Variants in PRKCB observed in about 807,000 individuals in gnomAD.
PRKCB encodes protein kinase C beta.
Under a neutral mutation model 81.5 loss-of-function variants are expected in PRKCB, and 13 were observed. That is an observed-to-expected ratio of 0.16 (90% confidence interval 0.10 to 0.25). PRKCB has a LOEUF of 0.25. Ranked by LOEUF, PRKCB falls within the 10% of genes least tolerant of loss-of-function variation. The pLI is 1.00. For missense variants in PRKCB, 509 were observed against 875.7 expected, an observed-to-expected ratio of 0.58 and a Z score of 5.29; for synonymous variants, 335 against 321.4, an observed-to-expected ratio of 1.04 and a Z score of -0.45.
In PRKCB at chr16:24,218,099, G is replaced by C; in HGVS notation, c.*3283G>C. ...TTAGCACTGGAAATACACTAGTGAA[G>C]AAGCAGATGAGGACCCTGTTTATTG... On this transcript the variant is annotated 3_prime_UTR_variant, in exon 17 of 17. Coordinates refer to ENST00000643927, the MANE Select transcript of PRKCB (RefSeq NM_002738.7). 2 of 985,358 alleles carry C rather than the reference G, an allele frequency of 2.0e-6. No homozygotes were observed. Among genetic ancestry groups the C allele is most frequent in the Non-Finnish European group, 2.4e-6 (2 of 829,908 alleles). 61.0% of individuals were successfully genotyped at this position (985,358 alleles called of 1,614,324 possible).
intron 2 of PRKCB, among the ~76,000 whole-genome samples, chr16:23,936,475 C>A (rs950173035): frequency 6.6e-6 from 1 of 151,866 alleles, no homozygotes; most frequent in Non-Finnish European, 1.5e-5. Context: ...TACATTGGTG[C>A]GATCTTGGCT....
At chr16:24,028,293 C>T (rs184468678) in intron 3 of PRKCB, among the ~76,000 whole-genome samples, 149 of 152,232 alleles carry the variant, frequency 9.8e-4, no homozygotes, top group East Asian at 7.7e-4. Flanking sequence ...TTCACCATAT[C>T]GGTCAGGCTG....
chr16:23,928,978 A>G (rs1963935109), intron 2 of PRKCB, among the ~76,000 whole-genome samples: 1 of 152,126 alleles, frequency 6.6e-6, no homozygotes, highest in Non-Finnish European at 1.5e-5. Context: ...CGGCATCCCA[A>G]AGTGTTGGGA....
chr16:24,049,561 C>T (rs1180767208), intron 5 of PRKCB, among the ~76,000 whole-genome samples: 1 of 151,556 alleles, frequency 6.6e-6, no homozygotes, highest in Non-Finnish European at 1.5e-5. Flanking sequence ...ACATCTGGGA[C>T]ATGCACGCTT....
chr16:23,901,121 A>G (rs8047428), intron 2 of PRKCB, among the ~76,000 whole-genome samples: 87,753 of 151,926 alleles, frequency 0.58, 25,699 homozygotes, highest in Admixed American at 0.64. Context: ...TAATCAAAAC[A>G]CAATTGCCAA....
chr16:24,152,159 G>C (rs947101142), intron 9 of PRKCB, among the ~76,000 whole-genome samples: 5 of 152,114 alleles, frequency 3.3e-5, no homozygotes, highest in African/African-American at 1.2e-4. Context: ...TGAAAAAGAG[G>C]TTTAATGGAC....
At chr16:24,207,296 T>C (rs949483184) in intron 16 of PRKCB, among the ~76,000 whole-genome samples, 1 of 152,256 alleles carries the variant, frequency 6.6e-6, no homozygotes, top group Non-Finnish European at 1.5e-5. Context: ...TCCATGATAA[T>C]TGCTGTCTCA....
At chr16:24,027,920 C>T (rs1228182840) in intron 3 of PRKCB, among the ~76,000 whole-genome samples, 2 of 151,934 alleles carry the variant, frequency 1.3e-5, no homozygotes, top group East Asian at 3.9e-4. Flanking sequence ...CAGGCATGCA[C>T]CACTATGTCT....
chr16:24,027,195 C>G (rs534500878), intron 3 of PRKCB, among the ~76,000 whole-genome samples: 1 of 152,012 alleles, frequency 6.6e-6, no homozygotes, highest in Non-Finnish European at 1.5e-5. Context: ...CTCCCTGTGT[C>G]GATGTGTTCT....
chr16:24,015,785 A>G (rs1965270043), intron 3 of PRKCB, among the ~76,000 whole-genome samples: 1 of 152,200 alleles, frequency 6.6e-6, no homozygotes, highest in Non-Finnish European at 1.5e-5. Flanking sequence ...CTAGACTGAC[A>G]TAGGGAAGGT....
intron 7 of PRKCB, among the ~76,000 whole-genome samples, chr16:24,096,665 AAATATATATAT>A (rs1338139069): frequency 0.016 from 637 of 39,296 alleles, 13 homozygotes; most frequent in Non-Finnish European, 0.023. Context: ...AAAAAAAAAA[AAATATATATAT>A]ATATATATAT....
intron 10 of PRKCB, 179 bp from the exon 11 acceptor site, chr16:24,172,091 C>T (rs1052939132): frequency 1.7e-6 from 1 of 598,194 alleles, no homozygotes; most frequent in Non-Finnish European, 3.0e-6. Flanking sequence ...CACCTATGCT[C>T]ACTTGCGTAG....
intron 3 of PRKCB, among the ~76,000 whole-genome samples, chr16:24,028,806 T>TG (rs201888024): frequency 2.1e-4 from 32 of 151,366 alleles, no homozygotes; most frequent in Admixed American, 1.8e-3. Context: ...TGGTTGTTGT[T>TG]TTTTTTTTTT....
chr16:24,061,095 C>G (rs142063003), intron 5 of PRKCB, among the ~76,000 whole-genome samples: 1 of 151,576 alleles, frequency 6.6e-6, no homozygotes, highest in Non-Finnish European at 1.5e-5. Context: ...GGGTCTTGCT[C>G]TGTTGCTCAG....
intron 2 of PRKCB, among the ~76,000 whole-genome samples, chr16:23,881,307 C>A (rs909228946): frequency 6.8e-6 from 1 of 146,074 alleles, no homozygotes; most frequent in Non-Finnish European, 1.5e-5. Flanking sequence ...GGCTGAAGTG[C>A]GGTGGCGCGG....
chr16:23,875,165 G>A (rs1962974076), intron 2 of PRKCB, among the ~76,000 whole-genome samples: 1 of 151,364 alleles, frequency 6.6e-6, no homozygotes, highest in Non-Finnish European at 1.5e-5. Flanking sequence ...GCCCCCACAA[G>A]TGGTTGGGAC....
chr16:23,902,705 C>T (rs889943876), intron 2 of PRKCB, among the ~76,000 whole-genome samples: 2 of 151,646 alleles, frequency 1.3e-5, no homozygotes, highest in African/African-American at 4.9e-5. Context: ...GAACTGAGCT[C>T]AAAAGTTTTT....
At chr16:24,067,941 CAAAAAAAAAAA>C (rs912993889) in intron 5 of PRKCB, among the ~76,000 whole-genome samples, 14 of 77,068 alleles carry the variant, frequency 1.8e-4, no homozygotes, top group Non-Finnish European at 3.8e-4. Context: ...GACTCCGTCT[CAAAAAAAAAAA>C]AAAAAAAGAG....
At chr16:24,012,131 C>T (rs1965211393) in intron 3 of PRKCB, among the ~76,000 whole-genome samples, 1 of 152,154 alleles carries the variant, frequency 6.6e-6, no homozygotes, top group Non-Finnish European at 1.5e-5. Flanking sequence ...GCTCTGTGTT[C>T]CCAGACATTC....
Sources: allele counts gnomAD v4.1 joint callset (sites outside exome capture counted in the v4.1 genomes callset), GRCh38; gene constraint gnomAD v4.1.1; transcripts MANE v1.5; gene names NCBI Gene and HGNC (gene_info 2026-07-23, HGNC 2026-07-21).